The following RASGRF2 variants were observed in gnomAD, a reference collection of about 807,000 sequenced individuals.
RASGRF2 encodes Ras protein specific guanine nucleotide releasing factor 2.
A neutral mutation model predicts 151.0 loss-of-function variants in RASGRF2; 76 were observed. That is an observed-to-expected ratio of 0.50 (90% confidence interval 0.42 to 0.61). RASGRF2 has a LOEUF of 0.61. Among genes scored for constraint, RASGRF2 ranks in the 20% least tolerant of loss-of-function variants. The pLI is 0.00. For missense variants in RASGRF2, 1,148 were observed against 1,564.6 expected, an observed-to-expected ratio of 0.73 and a Z score of 4.49; for synonymous variants, 504 against 566.5, an observed-to-expected ratio of 0.89 and a Z score of 1.57.
At chr5:80,995,128 T>C (rs571657) in intron 1 of RASGRF2, among the ~76,000 whole-genome samples, 70,507 of 150,426 alleles carry the variant, frequency 0.47, 17,094 homozygotes, top group African/African-American at 0.59. Context: ...CAGTGGCGGG[T>C]GCCTGTAGTC....
At chr5:80,986,754 C>T (rs1748483114) in intron 1 of RASGRF2, among the ~76,000 whole-genome samples, 1 of 152,148 alleles carries the variant, frequency 6.6e-6, no homozygotes, top group Non-Finnish European at 1.5e-5. Flanking sequence ...TTTATATTAC[C>T]TCAGTTGAAC....
intron 24 of RASGRF2, 81 bp from the exon 25 acceptor site, chr5:81,217,275 T>C: frequency 6.7e-7 from 1 of 1,503,364 alleles, no homozygotes; most frequent in Non-Finnish European, 8.9e-7. Flanking sequence ...GAGGATACTT[T>C]AATCCTCCTT....
rs1756018574 is a variant in RASGRF2 at position 81,227,201 on chromosome 5, A to C, written c.*1431A>C. The C allele has an allele frequency of 6.6e-6, 1 of 152,190 alleles. No individual in the cohort carries two copies. Among genetic ancestry groups the C allele is most frequent in the African/African-American group, 2.4e-5 (1 of 41,450 alleles). The allele number at this position is 152,190 out of a possible 1,614,324, so 9.4% of individuals were successfully genotyped here. On this transcript the variant is annotated 3_prime_UTR_variant, in exon 27 of 27. Transcript: ENST00000265080. ...GCTTTCCCTCTTTCCTTGCACTTTA[A>C]TTATGTTGCTAGAGCTAACAGACTA...
At chr5:80,981,352 C>T (rs1580163963) in intron 1 of RASGRF2, among the ~76,000 whole-genome samples, 2 of 151,994 alleles carry the variant, frequency 1.3e-5, no homozygotes, top group South Asian at 4.2e-4. Context: ...CCTGTACTTT[C>T]TGATAGCTTA....
At position 81,112,767 on chromosome 5, in the gene RASGRF2, C is replaced by CT; in HGVS notation, c.1997dup (p.His667AlafsTer45). The stretch of plus-strand genomic sequence containing the variant: ...TAGTATTGATTTCCTCAACACCTTT[C>CT]TGCACACCTATCGTATTTTCACTAC... On this transcript the variant is annotated frameshift_variant, in exon 14 of 27. Transcript: ENST00000265080. LOFTEE classifies it high-confidence loss of function. 6.2e-7 allele frequency: 1 copy of CT among 1,614,256 alleles called. No individual in the cohort carries two copies. The highest frequency in any genetic ancestry group is 8.5e-7 in the Non-Finnish European group (1 of 1,180,042).
chr5:81,085,733 G>A (rs1238807683), intron 7 of RASGRF2, 69 bp from the exon 8 acceptor site: 5 of 1,597,278 alleles, frequency 3.1e-6, no homozygotes, highest in Non-Finnish European at 4.3e-6. Flanking sequence ...AGCAATGATG[G>A]CCCTGCGGAG....
chr5:81,031,182 C>T (rs1399459018), intron 1 of RASGRF2, among the ~76,000 whole-genome samples: 1 of 152,188 alleles, frequency 6.6e-6, no homozygotes, highest in Non-Finnish European at 1.5e-5. Flanking sequence ...GAGACTTAGA[C>T]TCCCACACAA....
chr5:80,985,510 T>C (rs1748447288), intron 1 of RASGRF2, among the ~76,000 whole-genome samples: 1 of 152,220 alleles, frequency 6.6e-6, no homozygotes, highest in South Asian at 2.1e-4. Flanking sequence ...TGAAGGATGT[T>C]AGATAAAGAG....
intron 17 of RASGRF2, among the ~76,000 whole-genome samples, chr5:81,155,178 A>C (rs564641350): frequency 6.6e-6 from 1 of 152,356 alleles, no homozygotes; most frequent in South Asian, 2.1e-4. Context: ...AGAGAAATGT[A>C]TATATTTCAA....
In RASGRF2 at chr5:81,229,750, C is replaced by G. The variant is rs1756071350; in HGVS notation, c.*3980C>G. 6.6e-6 allele frequency: 1 copy of G among 152,356 alleles called. No homozygotes were observed. Among genetic ancestry groups the G allele is most frequent in the South Asian group, 2.1e-4 (1 of 4,826 alleles). The allele number at this position is 152,356 out of a possible 1,614,324, so 9.4% of individuals were successfully genotyped here. A position where few individuals can be genotyped will look rare whatever the true frequency, so the allele number is the denominator to read the frequency against. On this transcript the variant is annotated 3_prime_UTR_variant, in exon 27 of 27. Transcript: ENST00000265080. Reference sequence around the variant, plus strand: ...CCCGGCCCTGAGTCCTAGGCCCAGTCTCCAACTGGAAAACCTTAGGCTGGT... The same window carrying G: ...CCCGGCCCTGAGTCCTAGGCCCAGTGTCCAACTGGAAAACCTTAGGCTGGT...
intron 1 of RASGRF2, among the ~76,000 whole-genome samples, chr5:80,977,700 G>A (rs1343317176): frequency 1.1e-4 from 16 of 152,158 alleles, no homozygotes; most frequent in Non-Finnish European, 2.1e-4. Context: ...CAGGTGATCC[G>A]CCTGCTTCGG....
chr5:81,010,808 G>A (rs956923829), intron 1 of RASGRF2, among the ~76,000 whole-genome samples: 6 of 152,142 alleles, frequency 3.9e-5, no homozygotes, highest in Non-Finnish European at 5.9e-5. Flanking sequence ...CTAATCCTGC[G>A]CCTGTGGTTT....
At chr5:81,134,132 A>T (rs1460203100) in intron 17 of RASGRF2, among the ~76,000 whole-genome samples, 1 of 143,528 alleles carries the variant, frequency 7.0e-6, no homozygotes, top group East Asian at 2.1e-4. Flanking sequence ...TACTGAGGTA[A>T]TGTCAGTTAA....
chr5:80,966,125 T>G (rs186866108), intron 1 of RASGRF2, among the ~76,000 whole-genome samples: 64 of 151,898 alleles, frequency 4.2e-4, no homozygotes, highest in African/African-American at 1.4e-3. Flanking sequence ...GTGTGTGGTG[T>G]TTATTCAGTT....
intron 2 of RASGRF2, among the ~76,000 whole-genome samples, chr5:81,061,270 G>A (rs1287333315): frequency 3.3e-5 from 5 of 151,680 alleles, no homozygotes; most frequent in South Asian, 2.1e-4. Flanking sequence ...GTATCTCGTT[G>A]TGCAAGTGTC....
chr5:81,103,002 C>A (rs951397290), intron 12 of RASGRF2, among the ~76,000 whole-genome samples: 1 of 151,956 alleles, frequency 6.6e-6, no homozygotes, highest in African/African-American at 2.4e-5. Flanking sequence ...AATAGGGTGA[C>A]AACTTGGAAA....
Position 81,135,144 on chromosome 5 carries a change from C to CAA in RASGRF2, c.2686+7994_2686+7995dup, listed in dbSNP as rs111886459. 1.3e-3 allele frequency among the ~76,000 whole-genome samples: 178 copies of CAA among 135,188 alleles called. 1 individual carries two copies. The highest frequency in any genetic ancestry group is 4.6e-3 in the African/African-American group (174 of 38,064). 88.7% of individuals were successfully genotyped at this position (135,188 alleles called of 152,430 possible). On this transcript the variant is annotated intron_variant, in intron 17 of 26. Transcript: ENST00000265080. ...CAACATAGTAAAACCCCATTTCTAC[C>CAA]AAAAAAAAAAAAAATAGCTGCATAT...
intron 1 of RASGRF2, among the ~76,000 whole-genome samples, chr5:80,990,474 C>T (rs1427724380): frequency 1.3e-5 from 2 of 152,154 alleles, no homozygotes; most frequent in Non-Finnish European, 2.9e-5. Context: ...TCTAGACCCC[C>T]ATTGCTAAGC....
chr5:81,007,835 A>G (rs980733989), intron 1 of RASGRF2, among the ~76,000 whole-genome samples: 2 of 152,074 alleles, frequency 1.3e-5, no homozygotes, highest in Non-Finnish European at 2.9e-5. Context: ...CAAAATGCTG[A>G]GCAAGCAGAT....
Sources: gnomAD v4.1 joint callset for allele counts (sites outside exome capture counted in the v4.1 genomes callset) on GRCh38, gnomAD v4.1.1 for gene constraint, MANE v1.5 for transcripts, NCBI Gene and HGNC (gene_info 2026-07-23, HGNC 2026-07-21) for gene names.